The following MEF2D variants were observed in gnomAD, a reference collection of about 807,000 sequenced individuals.
MEF2D encodes myocyte-specific enhancer factor 2D.
MEF2D carries 10 observed loss-of-function variants against 59.3 expected under a neutral mutation model. That is an observed-to-expected ratio of 0.17 (90% CI 0.10 to 0.29). The LOEUF is 0.29. MEF2D is among the 10% of genes least tolerant of loss of function. MEF2D has a pLI of 1.00. For missense variants in MEF2D, 508 were observed against 699.4 expected (o/e 0.73, Z 3.09); for synonymous variants, 305 against 295.0 (o/e 1.03, Z -0.35).
chr1:156,474,147 T>A (rs1671416986), intron 9 of MEF2D, among the ~76,000 whole-genome samples: 1 of 152,108 alleles, frequency 6.6e-6, no homozygotes, highest in Non-Finnish European at 1.5e-5. Flanking sequence ...GGCTCCCTCC[T>A]CCATTAAGTA....
Position 156,468,265 on chromosome 1 carries a change from G to A in MEF2D, c.1282C>T (p.Leu428Phe), listed in dbSNP as rs1294894952. The A allele has an allele frequency of 7.0e-6, 11 of 1,577,852 alleles. No homozygotes were observed. The highest frequency in any genetic ancestry group is 9.5e-6 in the Non-Finnish European group (11 of 1,159,432). The change falls in exon 11 of 12, where the codon CTC becomes TTC. Residue 428 changes from leucine (L) to phenylalanine (F), a missense_variant. Leu to Phe is a conservative substitution (Grantham distance 22, BLOSUM62 0). Transcript: ENST00000348159. The surrounding 1 kb of genome is among the most constrained non-coding windows in gnomAD (Gnocchi z 4.3). The stretch of plus-strand genomic sequence containing the variant: ...ATGTGGGGGTGGGTGGTGACTGTGA[G>A]GGCAGCACCCACGTGGGGCAGGGGG... ...GSPLPHVGAA[L>F]TVTTHPHISI... is the part of the protein sequence containing the mutation.
Position 156,465,814 on chromosome 1 carries a change from G to C in MEF2D, c.*1831C>G, listed in dbSNP as rs1161917588. 1 of 152,228 alleles carries C rather than the reference G, an allele frequency of 6.6e-6. No homozygotes were observed. Among genetic ancestry groups the C allele is most frequent in the African/African-American group, 2.4e-5 (1 of 41,438 alleles). 9.4% of individuals were successfully genotyped at this position (152,228 alleles called of 1,614,324 possible). A position where few individuals can be genotyped will look rare whatever the true frequency, so the allele number is the denominator to read the frequency against. ...GCTTCTGGTTCCTTCCCTGCATCAAGTATGGGAATACTGCAAGAGGCTGGG... is the reference window on the plus strand; with the variant it reads ...GCTTCTGGTTCCTTCCCTGCATCAACTATGGGAATACTGCAAGAGGCTGGG... On this transcript the variant is annotated 3_prime_UTR_variant, in exon 12 of 12. Coordinates refer to ENST00000348159, the MANE Select transcript of MEF2D (RefSeq NM_005920.4).
Position 156,479,674 on chromosome 1 carries a change from G to A in MEF2D, c.519C>T (p.Leu173=). Residue 173 remains leucine (L), a synonymous_variant, in exon 5 of 12, where the codon CTC becomes CTT. Coordinates refer to ENST00000348159, the MANE Select transcript of MEF2D (RefSeq NM_005920.4). ...LVTPSLVTSS[L]TDPRLLSPQQ... ...GGGGGGACAGGAGCCGCGGGTCCGT[G>A]AGGGATGATGTCACCAGGGAAGGGG... The A allele has an allele frequency of 6.4e-7, 1 of 1,551,892 alleles. No individual in the cohort carries two copies.
Position 156,476,544 on chromosome 1 carries a change from T to C in MEF2D, c.856-30A>G, listed in dbSNP as rs369604677. 5.0e-6 allele frequency: 8 copies of C among 1,607,870 alleles called. No homozygotes were observed. The African/African-American group carries it at 1.1e-4, about 21-fold the overall frequency. Reference sequence around the variant, plus strand: ...GAGCAGAAATAAAACCAAGGGGATGTTCAGTCTCTGGCCGCTGCCCTCCCC... The same window carrying C: ...GAGCAGAAATAAAACCAAGGGGATGCTCAGTCTCTGGCCGCTGCCCTCCCC... On this transcript the variant is annotated intron_variant, in intron 7 of 11. Coordinates refer to ENST00000348159, the MANE Select transcript of MEF2D (RefSeq NM_005920.4).
intron 9 of MEF2D, among the ~76,000 whole-genome samples, chr1:156,474,851 T>C (rs1161465047): frequency 1.3e-5 from 2 of 152,204 alleles, no homozygotes; most frequent in African/African-American, 4.8e-5. Context: ...AAATATGTCT[T>C]TGGGACATAC....
At position 156,477,073 on chromosome 1, in the gene MEF2D, C is replaced by T; in HGVS notation, c.794G>A (p.Ser265Asn). 6.2e-7 allele frequency: 1 copy of T among 1,613,918 alleles called. No individual in the cohort carries two copies. Among genetic ancestry groups the T allele is most frequent in the Non-Finnish European group, 8.5e-7 (1 of 1,179,872 alleles). The change falls in exon 7 of 12, where the codon AGC becomes AAC. Residue 265 changes from serine to asparagine, a missense_variant. By Grantham distance (46) the Ser-to-Asn change is conservative (BLOSUM62 1). Transcript: ENST00000348159. ...GATGACTCGCAGGTCGGGCTTGCGG[C>T]TGGGGGCTCCAAGCTGGGTGCTGTG... ...PTHSTQLGAPSRKPDLRVITS... is the reference protein window; with the variant it reads ...PTHSTQLGAPNRKPDLRVITS...
intron 9 of MEF2D, 26 bp downstream of exon 9, chr1:156,475,082 C>A: frequency 6.2e-7 from 1 of 1,613,982 alleles, no homozygotes; most frequent in Non-Finnish European, 8.5e-7. Flanking sequence ...CAAGTGCACA[C>A]ATGCACATGT....
In MEF2D at chr1:156,467,607, C is replaced by CT; in HGVS notation, c.*37dup. On this transcript the variant is annotated 3_prime_UTR_variant, in exon 12 of 12. Coordinates refer to ENST00000348159, the MANE Select transcript of MEF2D (RefSeq NM_005920.4). ...AGGGCGGGCGGTGAGATTGTCAACT[C>CT]TTCATCAGGGAGGCTGAGAGGAGGG... 7.6e-7 allele frequency: 1 copy of CT among 1,317,090 alleles called. No homozygotes were observed. The highest frequency in any genetic ancestry group is 3.1e-5 in the South Asian group (1 of 32,466). 81.6% of individuals were successfully genotyped at this position (1,317,090 alleles called of 1,614,324 possible).
chr1:156,481,975 T>C (rs988077245), intron 3 of MEF2D, among the ~76,000 whole-genome samples: 4 of 152,158 alleles, frequency 2.6e-5, no homozygotes, highest in African/African-American at 7.2e-5. Context: ...TTGGCTCTCT[T>C]TGAAACAGAA....
chr1:156,467,691 G>A (rs374954673), intron 11 of MEF2D, 35 bp from the exon 12 acceptor site: 12 of 1,350,458 alleles, frequency 8.9e-6, no homozygotes, highest in Non-Finnish European at 1.1e-5. Flanking sequence ...GGGGTGTGAG[G>A]GGGTGGCCCA....
At chr1:156,475,835 C>A (rs990491688) in intron 8 of MEF2D, among the ~76,000 whole-genome samples, 1 of 152,218 alleles carries the variant, frequency 6.6e-6, no homozygotes, top group Non-Finnish European at 1.5e-5. Context: ...GAGGGAGGAG[C>A]CCCCGCCCCA....
chr1:156,469,886 A>G (rs1308727007), intron 9 of MEF2D, among the ~76,000 whole-genome samples: 2 of 152,120 alleles, frequency 1.3e-5, no homozygotes, highest in African/African-American at 4.8e-5. Context: ...AAAAAGAAAA[A>G]AAAAATCATG....
At chr1:156,482,378 C>A (rs1399092412) in intron 3 of MEF2D, 59 bp downstream of exon 3, 2 of 1,584,568 alleles carry the variant, frequency 1.3e-6, no homozygotes, top group African/African-American at 2.7e-5. Context: ...GCAACGTGGG[C>A]ACGTGTCCAT....
chr1:156,482,530 G>A lies in MEF2D; in HGVS notation c.165C>T (p.Phe55=). The change falls in exon 3 of 12, where the codon TTC becomes TTT. Residue 55 remains phenylalanine, a synonymous_variant. Coordinates refer to ENST00000348159, the MANE Select transcript of MEF2D (RefSeq NM_005920.4). ...LIIFNHSNKL[F]QYASTDMDKV... The stretch of plus-strand genomic sequence containing the variant: ...TGTCCATGTCGGTGCTGGCGTACTG[G>A]AACAGCTTGTTGGAGTGGTTGAAGA... 6.2e-7 allele frequency: 1 copy of A among 1,614,248 alleles called. No individual in the cohort carries two copies. The highest frequency in any genetic ancestry group is 8.5e-7 in the Non-Finnish European group (1 of 1,180,052).
intron 1 of MEF2D, among the ~76,000 whole-genome samples, chr1:156,492,881 T>C (rs1557896140): frequency 6.6e-6 from 1 of 152,154 alleles, no homozygotes; most frequent in Non-Finnish European, 1.5e-5. Flanking sequence ...CTGCCTGCCA[T>C]TGCAGCGGGT....
chr1:156,489,360 A>C (rs1672595251), intron 1 of MEF2D, among the ~76,000 whole-genome samples: 1 of 152,114 alleles, frequency 6.6e-6, no homozygotes, highest in Non-Finnish European at 1.5e-5. Context: ...CAGCCTGCTC[A>C]CTAACGAGGG....
chr1:156,479,489 G>C (rs1387797497), intron 5 of MEF2D, 97 bp downstream of exon 5: 1 of 1,498,572 alleles, frequency 6.7e-7, no homozygotes, highest in Non-Finnish European at 9.1e-7. Context: ...GGAATGCTGT[G>C]GTGGGTGAAG....
intron 6 of MEF2D, 41 bp from the exon 7 acceptor site, chr1:156,477,243 G>A: frequency 6.5e-7 from 1 of 1,531,876 alleles, no homozygotes; most frequent in South Asian, 1.3e-5. Flanking sequence ...AAAAACATGG[G>A]CCTATCCTTC....
intron 9 of MEF2D, 135 bp downstream of exon 9, chr1:156,474,972 TA>T: frequency 8.0e-7 from 1 of 1,253,282 alleles, no homozygotes; most frequent in Non-Finnish European, 1.1e-6. Context: ...CTGTTAACCA[TA>T]AGTAGGTGGG....
Sources: allele counts gnomAD v4.1 joint callset (sites outside exome capture counted in the v4.1 genomes callset), GRCh38; gene constraint gnomAD v4.1.1; non-coding constraint Gnocchi (gnomAD v3.1); transcripts MANE v1.5; gene names NCBI Gene and HGNC (gene_info 2026-07-23, HGNC 2026-07-21).